KIAA0586: variants seen among roughly 807,000 people sequenced by gnomAD.
KIAA0586 encodes the protein protein TALPID3.
KIAA0586 carries 144 observed loss-of-function variants against 169.8 expected under a neutral mutation model. That is an observed-to-expected ratio of 0.85 (90% CI 0.74 to 0.97). The LOEUF (loss-of-function observed/expected upper bound fraction) is 0.97. Among genes scored for constraint, KIAA0586 ranks in the 50% least tolerant of loss-of-function variants. The pLI, the probability that KIAA0586 is intolerant of heterozygous loss-of-function variation, is 0.00. For missense variants in KIAA0586, 1,854 were observed against 1,823.0 expected, an observed-to-expected ratio of 1.02 and a Z score of -0.31; for synonymous variants, 625 against 612.4, an observed-to-expected ratio of 1.02 and a Z score of -0.30.
rs1216368424 is a variant in KIAA0586, at chr14:58,549,132, A to G, written c.*1200A>G. ...CACTAGTGAAAAAAATTTACCTCCC[A>G]GAAAAATCATTTTCTGTCACAACTG... is the stretch of plus-strand genomic sequence containing the variant. On this transcript the variant is annotated 3_prime_UTR_variant, in exon 31 of 31. Coordinates refer to ENST00000652326, the MANE Select transcript of KIAA0586 (RefSeq NM_001329943.3). 2 of 152,218 alleles carry G rather than the reference A, an allele frequency of 1.3e-5. No individual in the cohort carries two copies. The highest frequency in any genetic ancestry group is 2.1e-4 in the South Asian group (1 of 4,836). 9.4% of individuals were successfully genotyped at this position (152,218 alleles called of 1,614,324 possible). A position where few individuals can be genotyped will look rare whatever the true frequency, so the allele number is the denominator to read the frequency against.
intron 28 of KIAA0586, among the ~76,000 whole-genome samples, chr14:58,511,930 A>G (rs2044415222): frequency 6.6e-6 from 1 of 152,182 alleles, no homozygotes; most frequent in African/African-American, 2.4e-5. Flanking sequence ...ACAATTTGTG[A>G]TGTGTGATTA....
At chr14:58,461,341 A>G (rs1183129464) in intron 14 of KIAA0586, among the ~76,000 whole-genome samples, 181 bp downstream of exon 14, 3 of 152,242 alleles carry the variant, frequency 2.0e-5, no homozygotes, top group East Asian at 3.8e-4. Flanking sequence ...ATTTTAAAAA[A>G]GACACAAGAT....
chr14:58,479,562 G>A (rs2041886337), intron 20 of KIAA0586, among the ~76,000 whole-genome samples: 2 of 152,052 alleles, frequency 1.3e-5, no homozygotes, highest in African/African-American at 4.8e-5. Context: ...AGTTTGTAGG[G>A]ATTTTTGCAT....
Position 58,550,885 on chromosome 14 carries a change from C to A in KIAA0586, c.*2953C>A, listed in dbSNP as rs1327335649. The A allele has an allele frequency of 6.7e-6, 1 of 149,960 alleles. No individual in the cohort carries two copies. Among genetic ancestry groups the A allele is most frequent in the Non-Finnish European group, 1.5e-5 (1 of 67,570 alleles). The allele number at this position is 149,960 out of a possible 1,614,324, so 9.3% of individuals were successfully genotyped here. A position where few individuals can be genotyped will look rare whatever the true frequency, so the allele number is the denominator to read the frequency against. ...GCTATCATGCCTTAACACTAGGTAA[C>A]GTGTTTAAAATGTTCCTTTCTGCTG... On this transcript the variant is annotated 3_prime_UTR_variant, in exon 31 of 31. Transcript: ENST00000652326.
At chr14:58,460,870 T>C in intron 13 of KIAA0586, 116 bp from the exon 14 acceptor site, 1 of 640,448 alleles carries the variant, frequency 1.6e-6, no homozygotes, top group Non-Finnish European at 2.4e-6. Context: ...CAGAGGTTAT[T>C]TTTTACTTAA....
chr14:58,479,616 A>T (rs1316920382), intron 20 of KIAA0586, among the ~76,000 whole-genome samples: 2 of 152,096 alleles, frequency 1.3e-5, no homozygotes, highest in Non-Finnish European at 2.9e-5. Flanking sequence ...TCATTAAGAT[A>T]GTTTCCTATG....
At chr14:58,431,244 A>G (rs1483366927) in intron 3 of KIAA0586, among the ~76,000 whole-genome samples, 2 of 152,156 alleles carry the variant, frequency 1.3e-5, no homozygotes, top group Admixed American at 6.6e-5. Context: ...CCTATTGCAG[A>G]GGTTTAGTAT....
At chr14:58,503,641 G>T (rs543473899) in intron 27 of KIAA0586, among the ~76,000 whole-genome samples, 1 of 152,096 alleles carries the variant, frequency 6.6e-6, no homozygotes, top group African/African-American at 2.4e-5. Context: ...GAAGAAGCCC[G>T]TATAGGATGG....
At position 58,453,455 on chromosome 14, in the gene KIAA0586, C is replaced by T; in HGVS notation, c.1235C>T (p.Thr412Ile). ...TSLTRSKIGWTPEKTNRFPSC... is the reference protein window; with the variant it reads ...TSLTRSKIGWIPEKTNRFPSC... Reference sequence around the variant, plus strand: ...CTAACTAGGTCAAAAATAGGATGGACTCCTGAGAAAACAAACAGGTAAAAA... The same window carrying T: ...CTAACTAGGTCAAAAATAGGATGGATTCCTGAGAAAACAAACAGGTAAAAA... The change falls in exon 9 of 31, where the codon ACT becomes ATT. Residue 412 changes from threonine (T) to isoleucine (I), a missense_variant. Transcript: ENST00000652326. 1.3e-6 allele frequency: 2 copies of T among 1,513,586 alleles called. No homozygotes were observed. Among genetic ancestry groups the T allele is most frequent in the Non-Finnish European group, 1.8e-6 (2 of 1,133,798 alleles). The allele number at this position is 1,513,586 out of a possible 1,614,324, so 93.8% of individuals were successfully genotyped here. A position where few individuals can be genotyped will look rare whatever the true frequency, so the allele number is the denominator to read the frequency against.
intron 4 of KIAA0586, among the ~76,000 whole-genome samples, chr14:58,439,345 C>T (rs968611668): frequency 6.6e-5 from 10 of 152,126 alleles, no homozygotes; most frequent in African/African-American, 2.4e-4. Flanking sequence ...TGCCACCACG[C>T]CCGGCTACTT....
Position 58,549,799 on chromosome 14 carries a change from GT to G in KIAA0586, c.*1873del, listed in dbSNP as rs1377953542. 1 of 152,290 alleles carries G rather than the reference GT, an allele frequency of 6.6e-6. No individual in the cohort carries two copies. The allele number at this position is 152,290 out of a possible 1,614,324, so 9.4% of individuals were successfully genotyped here. ...CCAACCTTGGTTTCTGGTTTTCATA[GT>G]TTTTTCTGCCTTGGAAGGATTTCAG... On this transcript the variant is annotated 3_prime_UTR_variant, in exon 31 of 31. Transcript: ENST00000652326.
In KIAA0586 at chr14:58,427,756, G is replaced by A; in HGVS notation, c.-509G>A. On this transcript the variant is annotated 5_prime_UTR_variant, in exon 1 of 31. Coordinates refer to ENST00000652326, the MANE Select transcript of KIAA0586 (RefSeq NM_001329943.3). ...TTACACCCACGACGGTGCGGGTCTC[G>A]GGCGTTCTGGAGATACGTAGGGGTG... The A allele has an allele frequency of 6.5e-7, 1 of 1,532,346 alleles. No individual in the cohort carries two copies. The highest frequency in any genetic ancestry group is 8.7e-7 in the Non-Finnish European group (1 of 1,145,818). 94.9% of individuals were successfully genotyped at this position (1,532,346 alleles called of 1,614,324 possible). A position where few individuals can be genotyped will look rare whatever the true frequency, so the allele number is the denominator to read the frequency against.
chr14:58,529,876 G>C (rs971980903), intron 29 of KIAA0586, among the ~76,000 whole-genome samples: 1 of 152,178 alleles, frequency 6.6e-6, no homozygotes, highest in African/African-American at 2.4e-5. Context: ...GCAAGAGAGA[G>C]AAATAAAGCA....
At position 58,460,075 on chromosome 14, in the gene KIAA0586, G is replaced by T; in HGVS notation, c.1884+5G>T. 7.1e-7 allele frequency: 1 copy of T among 1,412,136 alleles called. No individual in the cohort carries two copies. The highest frequency in any genetic ancestry group is 2.5e-5 in the East Asian group (1 of 40,112). The allele number at this position is 1,412,136 out of a possible 1,614,324, so 87.5% of individuals were successfully genotyped here. On this transcript the variant is annotated splice_donor_5th_base_variant and intron_variant, in intron 13 of 30. Transcript: ENST00000652326. ...TTACAGAAAGAGAGAAAGGAAGTAAGATCCTAATCTGTTCTTTTAACATAA... is the reference window on the plus strand; with the variant it reads ...TTACAGAAAGAGAGAAAGGAAGTAATATCCTAATCTGTTCTTTTAACATAA...
intron 12 of KIAA0586, among the ~76,000 whole-genome samples, chr14:58,459,306 T>C (rs2140866048): frequency 6.6e-6 from 1 of 152,270 alleles, no homozygotes; most frequent in South Asian, 2.1e-4. Context: ...TTAGGTACTA[T>C]ATGGTACACA....
intron 2 of KIAA0586, 77 bp from the exon 3 acceptor site, chr14:58,430,571 A>G (rs2037277091): frequency 7.3e-6 from 6 of 826,714 alleles, no homozygotes; most frequent in Non-Finnish European, 1.2e-5. Flanking sequence ...CAGTAGTCAC[A>G]TAGCTAGTAA....
chr14:58,482,185 G>A (rs1337682080), intron 20 of KIAA0586, among the ~76,000 whole-genome samples: 2 of 151,934 alleles, frequency 1.3e-5, no homozygotes, highest in East Asian at 2.0e-4. Context: ...CAGCACTTTG[G>A]GAGGCTGAGG....
chr14:58,510,106 C>T (rs1228077001), intron 28 of KIAA0586, among the ~76,000 whole-genome samples: 1 of 152,234 alleles, frequency 6.6e-6, no homozygotes, highest in African/African-American at 2.4e-5. Flanking sequence ...CGTGGTGGCT[C>T]ACGCCTGTAA....
chr14:58,448,032 C>T (rs1180156114), intron 6 of KIAA0586, among the ~76,000 whole-genome samples: 1 of 152,128 alleles, frequency 6.6e-6, no homozygotes, highest in Non-Finnish European at 1.5e-5. Context: ...CTGGTCTTCT[C>T]TTAGCCGGCT....
Sources: allele counts gnomAD v4.1 joint callset (sites outside exome capture counted in the v4.1 genomes callset), GRCh38; gene constraint gnomAD v4.1.1; transcripts MANE v1.5; gene names NCBI Gene and HGNC (gene_info 2026-07-23, HGNC 2026-07-21).